The following PNP variants were observed in gnomAD, a reference collection of about 807,000 sequenced individuals.
PNP encodes purine nucleoside phosphorylase, also known as HEL-S-156an.
A neutral mutation model predicts 26.8 loss-of-function variants in PNP; 18 were observed. The ratio of observed to expected loss-of-function variants is 0.67; its 90% CI spans 0.46 to 1.00. PNP has a LOEUF of 1.00. Among genes scored for constraint, PNP ranks in the 50% least tolerant of loss-of-function variants. The probability of loss-of-function intolerance (pLI) is 0.00; values close to 1 mark genes in which losing one functional copy is unlikely to be tolerated. For synonymous variants in PNP, 116 were observed against 124.8 expected (o/e 0.93, Z 0.47); for missense variants, 320 against 362.9 (o/e 0.88, Z 0.96).
intron 2 of PNP, 143 bp downstream of exon 2, chr14:20,472,620 A>G: frequency 1.2e-6 from 1 of 817,078 alleles, no homozygotes; most frequent in Non-Finnish European, 2.0e-6. Context: ...AAAGCCCACC[A>G]TGAGTCAGAG....
intron 2 of PNP, chr14:20,473,357 G>C (rs907067997): frequency 6.6e-6 from 1 of 152,172 alleles, no homozygotes; most frequent in Non-Finnish European, 1.5e-5. Context: ...CCATAGGACT[G>C]TTCCGTGGGT....
In PNP at chr14:20,469,424, C is replaced by A; in HGVS notation, c.-101C>A. The A allele has an allele frequency of 6.7e-7, 1 of 1,483,956 alleles. No homozygotes were observed. The highest frequency in any genetic ancestry group is 9.2e-7 in the Non-Finnish European group (1 of 1,086,956). 91.9% of individuals were successfully genotyped at this position (1,483,956 alleles called of 1,614,324 possible). ...GTGAGCCAACTGTGCGAACCAGACC[C>A]GGCAGCCTTGCTCAGTTCAGCATAG... is the stretch of plus-strand genomic sequence containing the variant. On this transcript the variant is annotated 5_prime_UTR_variant, in exon 1 of 6. Coordinates refer to ENST00000361505, the MANE Select transcript of PNP (RefSeq NM_000270.4).
chr14:20,476,738 A>T lies in PNP; in HGVS notation c.*137A>T. 1.4e-6 allele frequency: 1 copy of T among 740,510 alleles called. No individual in the cohort carries two copies. Among genetic ancestry groups the T allele is most frequent in the Non-Finnish European group, 2.4e-6 (1 of 419,190 alleles). The allele number at this position is 740,510 out of a possible 1,614,324, so 45.9% of individuals were successfully genotyped here. ...AAGATTCCTGTCCTTCACCTTTCCC[A>T]CTTTCTTCTACCAGACCCTTCTGGT... On this transcript the variant is annotated 3_prime_UTR_variant, in exon 6 of 6. Transcript: ENST00000361505.
At chr14:20,475,374 A>C in intron 5 of PNP, 122 bp downstream of exon 5, 1 of 828,106 alleles carries the variant, frequency 1.2e-6, no homozygotes, top group Non-Finnish European at 1.9e-6. Context: ...GGAAGGGTGA[A>C]TTAAACTGAC....
chr14:20,472,960 G>T, intron 2 of PNP: 1 of 205,180 alleles, frequency 4.9e-6, no homozygotes, highest in Non-Finnish European at 1.0e-5. Context: ...TATTAACAGA[G>T]GGTGTGTGAA....
chr14:20,473,166 C>A (rs1350719270), intron 2 of PNP: 1 of 152,200 alleles, frequency 6.6e-6, no homozygotes, highest in Admixed American at 6.5e-5. Flanking sequence ...TGCATAAGCT[C>A]CTCTATCTTT....
intron 1 of PNP, among the ~76,000 whole-genome samples, chr14:20,471,181 C>T (rs1881978412): frequency 6.6e-6 from 1 of 150,642 alleles, no homozygotes; most frequent in Non-Finnish European, 1.5e-5. Context: ...CAGGGGCCCG[C>T]CACCACGCCC....
At chr14:20,469,955 T>C (rs1881951505) in intron 1 of PNP, among the ~76,000 whole-genome samples, 1 of 152,164 alleles carries the variant, frequency 6.6e-6, no homozygotes, top group South Asian at 2.1e-4. Context: ...AGCTGCGAGG[T>C]ACTTTTGGTG....
rs755340747 is a variant in PNP, at chr14:20,475,111, AG to A, written c.513del (p.Arg171SerfsTer23). On this transcript the variant is annotated frameshift_variant, in exon 5 of 6. Transcript: ENST00000361505. LOFTEE classifies it high-confidence loss of function. ...GTCTGATGCCTACGACCGGACTATG[AG>A]GCAGAGGGCTCTCAGTACCTGGAAA... ...AMSDAYDRTM[R>X]QRALSTWKQM... 21 of 1,614,192 alleles carry A rather than the reference AG, an allele frequency of 1.3e-5. No homozygotes were observed. The highest frequency in any genetic ancestry group is 1.6e-5 in the Non-Finnish European group (19 of 1,180,040).
intron 2 of PNP, chr14:20,472,944 G>A (rs753977366): frequency 3.4e-5 from 7 of 208,622 alleles, no homozygotes; most frequent in Non-Finnish European, 5.9e-5. Context: ...GAGAAGGTGA[G>A]GGAAATATTA....
In PNP at chr14:20,476,166, C is replaced by G. The variant is rs777800868; in HGVS notation, c.653-218C>G. Among the ~76,000 whole-genome samples the G allele has an allele frequency of 5.3e-5, 8 of 151,818 alleles. No homozygotes were observed. In the South Asian group the frequency reaches 1.7e-3, roughly 31 times the overall value. The stretch of plus-strand genomic sequence containing the variant: ...TTTTATTTATTTTTTGAGCCGAGGT[C>G]TCTTTATGTTGCCCAGGCTGGTCTC... On this transcript the variant is annotated intron_variant, in intron 5 of 5. Transcript: ENST00000361505.
In PNP at chr14:20,474,727, A is replaced by T. The variant is rs1216813159; in HGVS notation, c.286-46A>T. 6.2e-6 allele frequency: 10 copies of T among 1,602,184 alleles called. No homozygotes were observed. The South Asian group carries it at 6.7e-5, about 11-fold the overall frequency. ...TATGTCATGCATTTCAGTGTAGCTG[A>T]ATTAATGAAATTTTGTAAATTTTTT... On this transcript the variant is annotated intron_variant, in intron 3 of 5. Transcript: ENST00000361505.
intron 1 of PNP, among the ~76,000 whole-genome samples, chr14:20,472,070 A>G (rs897389501): frequency 6.6e-6 from 1 of 152,178 alleles, no homozygotes; most frequent in South Asian, 2.1e-4. Context: ...AACAGGCTTT[A>G]TTAACTTTTG....
rs1331646524 is a variant in PNP at position 20,472,191 on chromosome 14, A to G, written c.12-117A>G. On this transcript the variant is annotated intron_variant, in intron 1 of 5. Coordinates refer to ENST00000361505, the MANE Select transcript of PNP (RefSeq NM_000270.4). ...ATAGTATGGCCTTTCCCTCTGTGCC[A>G]GCTTCTCCGTCCCTGCTGCCTCAGT... is the stretch of plus-strand genomic sequence containing the variant. The G allele has an allele frequency of 8.3e-6, 7 of 847,166 alleles. No homozygotes were observed. The African/African-American group carries it at 1.2e-4, about 14-fold the overall frequency. 52.5% of individuals were successfully genotyped at this position (847,166 alleles called of 1,614,324 possible). A position where few individuals can be genotyped will look rare whatever the true frequency, so the allele number is the denominator to read the frequency against.
intron 2 of PNP, chr14:20,472,803 T>A (rs866984788): frequency 4.1e-5 from 12 of 289,244 alleles, no homozygotes; most frequent in South Asian, 2.5e-4. Flanking sequence ...TTGGTTTATT[T>A]ATTAATTTTT....
In PNP at chr14:20,474,709, T is replaced by C. The variant is rs1275418286; in HGVS notation, c.286-64T>C. 16 of 1,577,446 alleles carry C rather than the reference T, an allele frequency of 1.0e-5. No individual in the cohort carries two copies. In the East Asian group the frequency reaches 2.5e-4, roughly 24 times the overall value. Reference sequence around the variant, plus strand: ...TCCTTTTCTTTCACGATGTATGTCATGCATTTCAGTGTAGCTGAATTAATG... The same window carrying C: ...TCCTTTTCTTTCACGATGTATGTCACGCATTTCAGTGTAGCTGAATTAATG... On this transcript the variant is annotated intron_variant, in intron 3 of 5. Transcript: ENST00000361505.
intron 1 of PNP, 168 bp downstream of exon 1, chr14:20,469,703 C>A (rs1313725044): frequency 2.4e-5 from 22 of 926,644 alleles, no homozygotes; most frequent in Non-Finnish European, 3.7e-5. Flanking sequence ...CAGAGTCATG[C>A]GGCAGCCAGC....
At chr14:20,471,793 A>G (rs1214039541) in intron 1 of PNP, among the ~76,000 whole-genome samples, 1 of 152,156 alleles carries the variant, frequency 6.6e-6, no homozygotes, top group East Asian at 1.9e-4. Flanking sequence ...GGTCTTAATT[A>G]CATTTTGAAT....
At position 20,476,376 on chromosome 14, in the gene PNP, A is replaced by G. The variant is rs763654890; in HGVS notation, c.653-8A>G. 1 of 1,606,732 alleles carries G rather than the reference A, an allele frequency of 6.2e-7. No homozygotes were observed. Among genetic ancestry groups the G allele is most frequent in the Admixed American group, 1.7e-5 (1 of 60,012 alleles). ...CTGACAGTTGGTTTCCATCTTTCTCACTATCAGGCATGAGTACAGTACCAG... is the reference window on the plus strand; with the variant it reads ...CTGACAGTTGGTTTCCATCTTTCTCGCTATCAGGCATGAGTACAGTACCAG... On this transcript the variant is annotated splice_region_variant and splice_polypyrimidine_tract_variant and intron_variant, in intron 5 of 5. Coordinates refer to ENST00000361505, the MANE Select transcript of PNP (RefSeq NM_000270.4).
Sources: gnomAD v4.1 joint callset for allele counts (sites outside exome capture counted in the v4.1 genomes callset) on GRCh38, gnomAD v4.1.1 for gene constraint, MANE v1.5 for transcripts, NCBI Gene and HGNC (gene_info 2026-07-23, HGNC 2026-07-21) for gene names.